COBLL1: variants seen among roughly 807,000 people sequenced by gnomAD.
The protein encoded by COBLL1 is cordon-bleu protein-like 1.
Under a neutral mutation model 94.8 loss-of-function variants are expected in COBLL1, and 50 were observed. That is an observed-to-expected ratio of 0.53 (90% confidence interval 0.42 to 0.67). The LOEUF (loss-of-function observed/expected upper bound fraction) is 0.67. Among genes scored for constraint, COBLL1 ranks in the 30% least tolerant of loss-of-function variants. The probability of loss-of-function intolerance (pLI) is 0.00; values close to 1 mark genes in which losing one functional copy is unlikely to be tolerated. For synonymous variants in COBLL1, 448 were observed against 473.8 expected, an observed-to-expected ratio of 0.95 and a Z score of 0.71; for missense variants, 1,362 against 1,348.7, an observed-to-expected ratio of 1.01 and a Z score of -0.15.
intron 7 of COBLL1, among the ~76,000 whole-genome samples, chr2:164,714,552 T>C (rs1685068415): frequency 6.6e-6 from 1 of 152,076 alleles, no homozygotes; most frequent in Admixed American, 6.6e-5. Flanking sequence ...TTAGGACCTA[T>C]ACCAGAGTGA....
At chr2:164,821,392 C>T (rs13007273) in intron 2 of COBLL1, among the ~76,000 whole-genome samples, 41,242 of 152,016 alleles carry the variant, frequency 0.27, 5,864 homozygotes, top group African/African-American at 0.34. Flanking sequence ...ATTCAAGACA[C>T]GTATTATCAA....
At chr2:164,736,946 G>A (rs559622517) in intron 3 of COBLL1, among the ~76,000 whole-genome samples, 4 of 152,288 alleles carry the variant, frequency 2.6e-5, no homozygotes, top group South Asian at 2.1e-4. Flanking sequence ...TGGCTTATCT[G>A]TATTTTCCAA....
chr2:164,718,221 G>T, intron 7 of COBLL1: 2 of 981,188 alleles, frequency 2.0e-6, no homozygotes, highest in Non-Finnish European at 2.4e-6. Context: ...ACAGAATTTT[G>T]CTGGAGAACA....
At chr2:164,769,053 T>C (rs10169786) in intron 2 of COBLL1, among the ~76,000 whole-genome samples, 43,165 of 152,044 alleles carry the variant, frequency 0.28, 6,430 homozygotes, top group East Asian at 0.4. Flanking sequence ...TCTTGAAGCA[T>C]CTAGAATATT....
At chr2:164,748,142 A>C (rs753276142) in intron 2 of COBLL1, among the ~76,000 whole-genome samples, 2 of 152,142 alleles carry the variant, frequency 1.3e-5, no homozygotes, top group Non-Finnish European at 2.9e-5. Flanking sequence ...ATTATATGTT[A>C]GTTCCCAATT....
At chr2:164,755,146 C>A (rs1040162257) in intron 2 of COBLL1, among the ~76,000 whole-genome samples, 1 of 152,128 alleles carries the variant, frequency 6.6e-6, no homozygotes, top group African/African-American at 2.4e-5. Context: ...GCCTAGGTGA[C>A]AAAGCAAGAC....
chr2:164,698,054 G>A (rs572323213), intron 11 of COBLL1: 24 of 152,106 alleles, frequency 1.6e-4, no homozygotes, highest in African/African-American at 5.3e-4. Context: ...GACAAAAGTC[G>A]TAGCAAAACA....
chr2:164,709,890 A>G lies in COBLL1; in HGVS notation c.997-4785T>C, dbSNP rs78381140. Among the ~76,000 whole-genome samples the G allele has an allele frequency of 6.8e-4, 103 of 152,294 alleles. 2 individuals are homozygous for G. In the East Asian group the frequency reaches 0.019, roughly 28 times the overall value. ...ACAAAATGTAAATTTAACAACTGGTATAAGTCGTGCAAAGGCAAGAGTTTT... is the reference window on the plus strand; with the variant it reads ...ACAAAATGTAAATTTAACAACTGGTGTAAGTCGTGCAAAGGCAAGAGTTTT... On this transcript the variant is annotated intron_variant, in intron 7 of 13. Coordinates refer to ENST00000652658, the MANE Select transcript of COBLL1 (RefSeq NM_001365672.2).
chr2:164,738,900 G>A (rs559259851), intron 3 of COBLL1, among the ~76,000 whole-genome samples: 25 of 152,156 alleles, frequency 1.6e-4, no homozygotes, highest in Admixed American at 1.3e-3. Flanking sequence ...ATACACAGAC[G>A]CACACATTTA....
intron 3 of COBLL1, among the ~76,000 whole-genome samples, chr2:164,730,923 T>G (rs750031082): frequency 1.4e-4 from 21 of 152,148 alleles, no homozygotes; most frequent in Admixed American, 6.5e-5. Flanking sequence ...CATCCAAAGG[T>G]TATGAATATT....
At chr2:164,699,278 C>A in intron 11 of COBLL1, 127 bp downstream of exon 11, 1 of 682,872 alleles carries the variant, frequency 1.5e-6, no homozygotes, top group Non-Finnish European at 2.7e-6. Flanking sequence ...CCATAATATC[C>A]ATAAATGAGG....
intron 13 of COBLL1, among the ~76,000 whole-genome samples, chr2:164,688,349 C>T (rs768299310): frequency 2.0e-5 from 3 of 152,228 alleles, no homozygotes; most frequent in Non-Finnish European, 2.9e-5. Context: ...CAGTTTATAA[C>T]TACTTTATAT....
intron 2 of COBLL1, among the ~76,000 whole-genome samples, chr2:164,822,068 C>T (rs1685193800): frequency 6.6e-6 from 1 of 152,122 alleles, no homozygotes; most frequent in Admixed American, 6.5e-5. Flanking sequence ...CAATTAATAC[C>T]CACGAGCCTA....
In COBLL1 at chr2:164,743,726, A is replaced by G; in HGVS notation, c.191T>C (p.Leu64Pro). 1 of 1,613,638 alleles carries G rather than the reference A, an allele frequency of 6.2e-7. No homozygotes were observed. The highest frequency in any genetic ancestry group is 8.5e-7 in the Non-Finnish European group (1 of 1,179,728). Residue 64 changes from leucine (L) to proline (P), a missense_variant, in exon 3 of 14, where the codon CTA becomes CCA. Leu to Pro is a moderately conservative substitution (Grantham distance 98). Transcript: ENST00000652658. Reference sequence around the variant, plus strand: ...AGTAGATTTGATAATATCCCCAGGTAGGACCACTGAGAGTTCAACGTCTTT... The same window carrying G: ...AGTAGATTTGATAATATCCCCAGGTGGGACCACTGAGAGTTCAACGTCTTT... ...IDKDVELSVV[L>P]PGDIIKSTTV...
At chr2:164,671,307 T>A (rs1239375950) in intron 1 of COBLL1, among the ~76,000 whole-genome samples, 1 of 152,154 alleles carries the variant, frequency 6.6e-6, no homozygotes, top group African/African-American at 2.4e-5. Flanking sequence ...TTTTTTGTTT[T>A]TTTGTCTTTT....
Position 164,682,906 on chromosome 2 carries a change from T to C in COBLL1, c.*3040A>G, listed in dbSNP as rs1683102828. On this transcript the variant is annotated 3_prime_UTR_variant, in exon 14 of 14. Coordinates refer to ENST00000652658, the MANE Select transcript of COBLL1 (RefSeq NM_001365672.2). The stretch of plus-strand genomic sequence containing the variant: ...CTAACAGAAATACGATCGATCTGTA[T>C]GTGTAAAAAGAAAAGCTCTTCCAGA... The C allele has an allele frequency of 6.6e-6, 1 of 151,896 alleles. No homozygotes were observed. Among genetic ancestry groups the C allele is most frequent in the African/African-American group, 2.4e-5 (1 of 41,354 alleles). The allele number at this position is 151,896 out of a possible 1,614,324, so 9.4% of individuals were successfully genotyped here. A position where few individuals can be genotyped will look rare whatever the true frequency, so the allele number is the denominator to read the frequency against.
In COBLL1 at chr2:164,704,435, G is replaced by T. The variant is rs780534606; in HGVS notation, c.1225+9C>A. 6.4e-7 allele frequency: 1 copy of T among 1,573,684 alleles called. No homozygotes were observed. The highest frequency in any genetic ancestry group is 8.7e-7 in the Non-Finnish European group (1 of 1,143,392). The stretch of plus-strand genomic sequence containing the variant: ...AGTAATTACACCATGTAGAATAAGG[G>T]TGTCATACCTGGGCTGGATAGCTCC... On this transcript the variant is annotated intron_variant, in intron 9 of 13. Transcript: ENST00000652658.
intron 3 of COBLL1, among the ~76,000 whole-genome samples, chr2:164,730,787 C>T (rs1685968256): frequency 6.6e-6 from 1 of 152,108 alleles, no homozygotes; most frequent in Non-Finnish European, 1.5e-5. Context: ...GAATTGGTTA[C>T]AAAGTTCTCA....
At chr2:164,777,298 C>A (rs1248940770) in intron 2 of COBLL1, among the ~76,000 whole-genome samples, 2 of 150,276 alleles carry the variant, frequency 1.3e-5, no homozygotes, top group Non-Finnish European at 3.0e-5. Context: ...AAATAATATG[C>A]CAGGAAGAAC....
Sources: gnomAD v4.1 joint callset for allele counts (sites outside exome capture counted in the v4.1 genomes callset) on GRCh38, gnomAD v4.1.1 for gene constraint, MANE v1.5 for transcripts, NCBI Gene and HGNC (gene_info 2026-07-23, HGNC 2026-07-21) for gene names.